The following ME3 variants were observed in gnomAD, a reference collection of about 807,000 sequenced individuals.
ME3 encodes the protein NADP-dependent malic enzyme, mitochondrial.
In ME3, 48 loss-of-function variants were observed where a neutral mutation model predicts 68.9. The observed-to-expected ratio is 0.70, with a 90% CI of 0.55 to 0.89. The LOEUF (loss-of-function observed/expected upper bound fraction) is 0.89. ME3 is among the 40% of genes least tolerant of loss of function. The pLI, the probability that ME3 is intolerant of heterozygous loss-of-function variation, is 0.00. For missense variants in ME3, 675 were observed against 797.4 expected (o/e 0.85, Z 1.85); for synonymous variants, 320 against 318.8 (o/e 1.00, Z -0.04).
chr11:86,475,484 T>C (rs985110924), intron 7 of ME3, among the ~76,000 whole-genome samples: 8 of 152,164 alleles, frequency 5.3e-5, no homozygotes, highest in Non-Finnish European at 1.0e-4. Flanking sequence ...TATTTCTTTA[T>C]AACAATGTGA....
In ME3 at chr11:86,592,350, G is replaced by C. The variant is rs1010229244; in HGVS notation, c.184-32527C>G. Among the ~76,000 whole-genome samples, 9 of 152,200 alleles carry C rather than the reference G, an allele frequency of 5.9e-5. No individual in the cohort carries two copies. The East Asian group carries it at 1.7e-3, about 29-fold the overall frequency. On this transcript the variant is annotated intron_variant, in intron 2 of 14. Coordinates refer to ENST00000543262, the Ensembl canonical transcript of ME3. ...GCTCAAAGCCAGTTTCTTAGGCCTT[G>C]AGGGGGGGAAATAGGCTATTTAAAC...
intron 14 of ME3, among the ~76,000 whole-genome samples, chr11:86,442,058 A>AT (rs1337905565): frequency 2.6e-5 from 4 of 152,210 alleles, no homozygotes; most frequent in African/African-American, 9.7e-5. Flanking sequence ...TTCTGAAATT[A>AT]TTTTTAAAAC....
intron 7 of ME3, among the ~76,000 whole-genome samples, chr11:86,474,316 G>T (rs1950943773): frequency 6.6e-6 from 1 of 152,180 alleles, no homozygotes; most frequent in Non-Finnish European, 1.5e-5. Flanking sequence ...AGCTCTGACG[G>T]CAAGTCTTGG....
At chr11:86,624,876 G>C (rs1232236285) in intron 2 of ME3, among the ~76,000 whole-genome samples, 1 of 152,172 alleles carries the variant, frequency 6.6e-6, no homozygotes, top group African/African-American at 2.4e-5. Context: ...GAGAAGAACA[G>C]TATTGCAAAA....
At chr11:86,571,670 A>G (rs184602348) in intron 2 of ME3, among the ~76,000 whole-genome samples, 5 of 152,390 alleles carry the variant, frequency 3.3e-5, no homozygotes, top group African/African-American at 9.6e-5. Context: ...CCTAATGGAA[A>G]GCATGGGAAC....
chr11:86,456,685 A>G (rs1211848237), intron 8 of ME3, among the ~76,000 whole-genome samples: 1 of 152,164 alleles, frequency 6.6e-6, no homozygotes, highest in African/African-American at 2.4e-5. Context: ...GAACTTAGGC[A>G]GTAGATGTCA....
intron 13 of ME3, 46 bp downstream of exon 13, chr11:86,446,268 C>T (rs1462122848): frequency 2.5e-6 from 4 of 1,602,484 alleles, no homozygotes; most frequent in Non-Finnish European, 3.4e-6. Context: ...CAGTGTCAAC[C>T]CACAGACCCT....
At chr11:86,532,645 A>G (rs749887287) in intron 4 of ME3, among the ~76,000 whole-genome samples, 2 of 152,242 alleles carry the variant, frequency 1.3e-5, no homozygotes, top group Non-Finnish European at 2.9e-5. Context: ...GCAATTTAAA[A>G]AGGGAAATTT....
intron 4 of ME3, among the ~76,000 whole-genome samples, chr11:86,516,234 G>A (rs562037543): frequency 5.3e-5 from 8 of 152,220 alleles, no homozygotes; most frequent in African/African-American, 1.9e-4. Context: ...TTGAGGGATG[G>A]AAAAATATAT....
intron 4 of ME3, among the ~76,000 whole-genome samples, chr11:86,518,814 G>C (rs1368669179): frequency 6.6e-6 from 1 of 152,088 alleles, no homozygotes; most frequent in Non-Finnish European, 1.5e-5. Context: ...TAAAAGCACT[G>C]GTATCCTTAT....
intron 4 of ME3, among the ~76,000 whole-genome samples, chr11:86,553,050 A>G (rs1037555609): frequency 2.6e-5 from 4 of 152,124 alleles, no homozygotes; most frequent in Non-Finnish European, 5.9e-5. Context: ...TCCAGCTCAC[A>G]CACTAGTGAC....
chr11:86,532,176 A>G (rs1214018822), intron 4 of ME3, among the ~76,000 whole-genome samples: 1 of 152,156 alleles, frequency 6.6e-6, no homozygotes, highest in Non-Finnish European at 1.5e-5. Flanking sequence ...AAGAGGGTGT[A>G]ACTTCTATAA....
At chr11:86,512,211 G>A (rs1215659885) in intron 4 of ME3, among the ~76,000 whole-genome samples, 2 of 152,140 alleles carry the variant, frequency 1.3e-5, no homozygotes, top group African/African-American at 2.4e-5. Context: ...TGCCTAATAC[G>A]CATGCTTCTC....
At chr11:86,557,679 C>T (rs1415309960) in intron 3 of ME3, among the ~76,000 whole-genome samples, 2 of 152,130 alleles carry the variant, frequency 1.3e-5, no homozygotes, top group African/African-American at 4.8e-5. Context: ...AAAAACTGTG[C>T]TCTGGAAGGT....
At chr11:86,570,719 G>A (rs772766686) in intron 2 of ME3, among the ~76,000 whole-genome samples, 1 of 152,170 alleles carries the variant, frequency 6.6e-6, no homozygotes, top group Non-Finnish European at 1.5e-5. Flanking sequence ...AAATCTCAAA[G>A]ATTGGGCTCT....
At chr11:86,467,370 T>G (rs894198136) in intron 7 of ME3, among the ~76,000 whole-genome samples, 4 of 152,136 alleles carry the variant, frequency 2.6e-5, no homozygotes, top group Admixed American at 6.5e-5. Flanking sequence ...CCACCCACCA[T>G]CCAGCCCTCT....
At chr11:86,570,908 A>G (rs1957754535) in intron 2 of ME3, among the ~76,000 whole-genome samples, 1 of 152,214 alleles carries the variant, frequency 6.6e-6, no homozygotes, top group Non-Finnish European at 1.5e-5. Flanking sequence ...AAAGTTCTGC[A>G]TTCAGTTCCT....
At chr11:86,603,426 A>C (rs981429378) in intron 2 of ME3, among the ~76,000 whole-genome samples, 11 of 152,288 alleles carry the variant, frequency 7.2e-5, no homozygotes, top group South Asian at 6.2e-4. Flanking sequence ...TTAGAATGGC[A>C]ATCATTAAAA....
chr11:86,535,276 A>G (rs1955575555), intron 4 of ME3, among the ~76,000 whole-genome samples: 1 of 152,206 alleles, frequency 6.6e-6, no homozygotes, highest in Non-Finnish European at 1.5e-5. Context: ...TCTTCCAGTC[A>G]GTAAAAATGT....
Sources: allele counts gnomAD v4.1 joint callset (sites outside exome capture counted in the v4.1 genomes callset), GRCh38; gene constraint gnomAD v4.1.1; transcripts MANE v1.5; gene names NCBI Gene and HGNC (gene_info 2026-07-23, HGNC 2026-07-21).